Variants in TMEM132D observed in about 807,000 individuals in gnomAD.
TMEM132D encodes mature OL transmembrane protein.
A neutral mutation model predicts 62.3 loss-of-function variants in TMEM132D; 21 were observed. The observed-to-expected ratio is 0.34, with a 90% confidence interval of 0.24 to 0.49. The LOEUF (loss-of-function observed/expected upper bound fraction) is 0.49. Ranked by LOEUF, TMEM132D falls within the 20% of genes least tolerant of loss-of-function variation. The pLI, the probability that TMEM132D is intolerant of heterozygous loss-of-function variation, is 0.99. For synonymous variants in TMEM132D, 621 were observed against 575.6 expected (o/e 1.08, Z -1.13); for missense variants, 1,346 against 1,402.8 (o/e 0.96, Z 0.65).
intron 2 of TMEM132D, among the ~76,000 whole-genome samples, chr12:129,576,215 C>T (rs541240102): frequency 1.6e-4 from 25 of 151,968 alleles, no homozygotes; most frequent in African/African-American, 5.6e-4. Context: ...TAATGCTGCC[C>T]GAAAAATTAA....
chr12:129,297,342 A>G (rs575166258), intron 4 of TMEM132D, among the ~76,000 whole-genome samples: 2 of 152,336 alleles, frequency 1.3e-5, no homozygotes, highest in Non-Finnish European at 2.9e-5. Flanking sequence ...TAGGCCTCAC[A>G]GTGGGTTCAA....
intron 3 of TMEM132D, among the ~76,000 whole-genome samples, chr12:129,391,382 C>G (rs1046516340): frequency 6.6e-6 from 1 of 152,208 alleles, no homozygotes; most frequent in African/African-American, 2.4e-5. Context: ...CACTGTGCCT[C>G]TAACTGGAGT....
At chr12:129,258,190 A>G (rs1880459055) in intron 4 of TMEM132D, among the ~76,000 whole-genome samples, 1 of 152,200 alleles carries the variant, frequency 6.6e-6, no homozygotes, top group South Asian at 2.1e-4. Context: ...CCTCATTTGT[A>G]AAGCTGGGCT....
At chr12:129,558,627 C>T (rs11060438) in intron 2 of TMEM132D, among the ~76,000 whole-genome samples, 18,323 of 152,016 alleles carry the variant, frequency 0.12, 1,424 homozygotes, top group East Asian at 0.42. Flanking sequence ...CAGGACCACA[C>T]GGGAAAAGGG....
intron 3 of TMEM132D, among the ~76,000 whole-genome samples, chr12:129,514,957 A>C (rs1395523095): frequency 6.6e-6 from 1 of 152,194 alleles, no homozygotes; most frequent in East Asian, 1.9e-4. Flanking sequence ...TGCCTATAAT[A>C]GAATTGCTCT....
intron 5 of TMEM132D, among the ~76,000 whole-genome samples, chr12:129,179,303 C>G (rs1022502803): frequency 6.6e-6 from 1 of 151,960 alleles, no homozygotes; most frequent in Non-Finnish European, 1.5e-5. Flanking sequence ...GAAGGGTGGT[C>G]CCTCCAGAGG....
chr12:129,793,915 C>T (rs1871476153), intron 1 of TMEM132D, among the ~76,000 whole-genome samples: 1 of 152,082 alleles, frequency 6.6e-6, no homozygotes, highest in East Asian at 1.9e-4. Context: ...CACATAGGAA[C>T]TTAATTTTTG....
chr12:129,122,377 G>A (rs1017713215), intron 5 of TMEM132D, among the ~76,000 whole-genome samples: 3 of 152,200 alleles, frequency 2.0e-5, no homozygotes, highest in African/African-American at 7.2e-5. Context: ...AGGACACACT[G>A]GAAATGTCTT....
At chr12:129,430,079 A>G (rs1256481656) in intron 3 of TMEM132D, among the ~76,000 whole-genome samples, 1 of 152,112 alleles carries the variant, frequency 6.6e-6, no homozygotes, top group Non-Finnish European at 1.5e-5. Flanking sequence ...ATGATTTACA[A>G]TCCTTTGGGT....
chr12:129,536,876 G>A (rs1217598830), intron 2 of TMEM132D, among the ~76,000 whole-genome samples: 1 of 152,128 alleles, frequency 6.6e-6, no homozygotes, highest in African/African-American at 2.4e-5. Context: ...TTCATATGCG[G>A]CCGGGCGCGG....
intron 1 of TMEM132D, among the ~76,000 whole-genome samples, chr12:129,876,603 G>A (rs1421640257): frequency 1.3e-5 from 2 of 152,124 alleles, no homozygotes; most frequent in Admixed American, 6.5e-5. Flanking sequence ...TGGAGGTATG[G>A]GTTATGGCTT....
At position 129,717,102 on chromosome 12, in the gene TMEM132D, G is replaced by A. The variant is rs541511550; in HGVS notation, c.80-16404C>T. On this transcript the variant is annotated intron_variant, in intron 1 of 8. Transcript: ENST00000422113. ...AGCTCCCTGACCAGAATGTAGACTG[G>A]CCCTCAGCTCCACCAGCACAAAGCG... is the stretch of plus-strand genomic sequence containing the variant. 3.7e-4 allele frequency among the ~76,000 whole-genome samples: 57 copies of A among 152,224 alleles called. 1 individual carries two copies. Among genetic ancestry groups the A allele is most frequent in the African/African-American group, 1.3e-3 (54 of 41,548 alleles).
chr12:129,359,690 C>A (rs551676400), intron 3 of TMEM132D, among the ~76,000 whole-genome samples: 13 of 151,746 alleles, frequency 8.6e-5, no homozygotes, highest in Admixed American at 2.0e-4. Flanking sequence ...TAAAAATAAC[C>A]AAATAACATT....
chr12:129,428,132 T>C (rs1196949816), intron 3 of TMEM132D, among the ~76,000 whole-genome samples: 1 of 152,124 alleles, frequency 6.6e-6, no homozygotes, highest in Non-Finnish European at 1.5e-5. Flanking sequence ...ACCAGGAAGA[T>C]GAAAGGTCAG....
chr12:129,676,872 T>TGTA (rs1258803936), intron 2 of TMEM132D, among the ~76,000 whole-genome samples: 1 of 152,208 alleles, frequency 6.6e-6, no homozygotes, highest in Non-Finnish European at 1.5e-5. Context: ...TTTCCATCCA[T>TGTA]CTACTCACTC....
chr12:129,622,599 T>G (rs1307300411), intron 2 of TMEM132D, among the ~76,000 whole-genome samples: 2 of 152,186 alleles, frequency 1.3e-5, no homozygotes. Context: ...CAAACAGGGC[T>G]TTCCCTCTGC....
At chr12:129,887,485 G>A (rs1231650041) in intron 1 of TMEM132D, among the ~76,000 whole-genome samples, 1 of 152,124 alleles carries the variant, frequency 6.6e-6, no homozygotes, top group African/African-American at 2.4e-5. Context: ...GAAACTGGAT[G>A]ACAAAATAAA....
At chr12:129,417,938 C>A (rs556308856) in intron 3 of TMEM132D, among the ~76,000 whole-genome samples, 1 of 152,270 alleles carries the variant, frequency 6.6e-6, no homozygotes, top group East Asian at 1.9e-4. Flanking sequence ...GGCCAAGAAA[C>A]ATATGAAAAA....
At chr12:129,289,431 C>T (rs902149653) in intron 4 of TMEM132D, among the ~76,000 whole-genome samples, 36 of 151,214 alleles carry the variant, frequency 2.4e-4, no homozygotes, top group Non-Finnish European at 1.0e-4. Context: ...GTAATCCCAG[C>T]TACACAGAAG....
Sources: gnomAD v4.1 joint callset for allele counts (sites outside exome capture counted in the v4.1 genomes callset) on GRCh38, gnomAD v4.1.1 for gene constraint, MANE v1.5 for transcripts, NCBI Gene and HGNC (gene_info 2026-07-23, HGNC 2026-07-21) for gene names.